The following TJP1 variants were observed in gnomAD, a reference collection of about 807,000 sequenced individuals.
TJP1 encodes the protein tight junction protein ZO-1.
Under a neutral mutation model 194.2 loss-of-function variants are expected in TJP1, and 43 were observed. The observed-to-expected ratio is 0.22, with a 90% CI of 0.17 to 0.29. The LOEUF is 0.29. Ranked by LOEUF, TJP1 falls within the 10% of genes least tolerant of loss-of-function variation. TJP1 has a pLI of 1.00. For missense variants in TJP1, 1,971 were observed against 2,185.7 expected (o/e 0.90, Z 1.96); for synonymous variants, 801 against 779.0 (o/e 1.03, Z -0.47).
At chr15:29,822,582 GGACGAGC>G, upstream of TJP1, 1 of 697,152 alleles carries the variant, frequency 1.4e-6, no homozygotes, top group Non-Finnish European at 1.8e-6. Context: ...GGAGGGGGCG[GGACGAGC>G]GGCCGGGGTC....
At chr15:29,947,495 G>A (rs2055324383) in intron 2 of TJP1, among the ~76,000 whole-genome samples, 1 of 152,292 alleles carries the variant, frequency 6.6e-6, no homozygotes, top group South Asian at 2.1e-4. Context: ...TTGCTGGGAG[G>A]TCTGGCGGAG....
At chr15:29,784,875 A>C (rs554287071) in intron 2 of TJP1, among the ~76,000 whole-genome samples, 31 of 152,324 alleles carry the variant, frequency 2.0e-4, no homozygotes, top group African/African-American at 7.0e-4. Flanking sequence ...AAACCATTTT[A>C]AAACAGAGAA....
At chr15:29,829,435 C>T (rs889293298) in intron 2 of TJP1, among the ~76,000 whole-genome samples, 1 of 152,112 alleles carries the variant, frequency 6.6e-6, no homozygotes, top group Non-Finnish European at 1.5e-5. Flanking sequence ...TACAAAGTCA[C>T]ATAGAGGGTC....
At chr15:29,956,199 A>G (rs2055934762) in intron 2 of TJP1, 9 of 1,174,290 alleles carry the variant, frequency 7.7e-6, no homozygotes, top group African/African-American at 1.6e-5. Flanking sequence ...TACTCTTTGG[A>G]AAAATGAGAA....
At chr15:29,745,648 CA>C (rs2044722306) in intron 8 of TJP1, among the ~76,000 whole-genome samples, 3 of 152,154 alleles carry the variant, frequency 2.0e-5, no homozygotes, top group African/African-American at 7.2e-5. Flanking sequence ...TTGAACAACA[CA>C]AACACACTCT....
chr15:29,708,030 C>A (rs1369808072), intron 25 of TJP1, among the ~76,000 whole-genome samples: 1 of 151,922 alleles, frequency 6.6e-6, no homozygotes, highest in Non-Finnish European at 1.5e-5. Flanking sequence ...AAAACCTCTA[C>A]TAAAAATACA....
intron 9 of TJP1, 39 bp downstream of exon 9, chr15:29,742,603 T>C (rs764854236): frequency 6.6e-7 from 1 of 1,508,986 alleles, no homozygotes; most frequent in Non-Finnish European, 8.8e-7. Flanking sequence ...TCACTCTACT[T>C]GCAAATGTTT....
chr15:29,831,992 T>C (rs1440861184), intron 2 of TJP1, among the ~76,000 whole-genome samples: 5 of 152,162 alleles, frequency 3.3e-5, no homozygotes, highest in Admixed American at 3.3e-4. Context: ...AAATCAACAA[T>C]AACATAAAAA....
chr15:29,848,046 GATTT>G (rs1002338817), intron 2 of TJP1, among the ~76,000 whole-genome samples: 35 of 151,578 alleles, frequency 2.3e-4, no homozygotes, highest in African/African-American at 8.2e-4. Context: ...TTCCTAGTTT[GATTT>G]CATTGTGGCA....
intron 1 of TJP1, among the ~76,000 whole-genome samples, chr15:29,966,819 T>C (rs955503476): frequency 1.3e-5 from 2 of 152,138 alleles, no homozygotes; most frequent in African/African-American, 2.4e-5. Context: ...ATGGGAGATA[T>C]GACTGCTGGT....
At chr15:29,832,415 C>T (rs1429808013) in intron 2 of TJP1, among the ~76,000 whole-genome samples, 1 of 152,184 alleles carries the variant, frequency 6.6e-6, no homozygotes, top group Non-Finnish European at 1.5e-5. Context: ...CTGTCTGAGC[C>T]AGATTTGCCG....
chr15:29,830,875 GAAT>G (rs1207865219), intron 2 of TJP1, among the ~76,000 whole-genome samples: 1 of 152,036 alleles, frequency 6.6e-6, no homozygotes, highest in Non-Finnish European at 1.5e-5. Flanking sequence ...AGTTCTCAAA[GAAT>G]AATGAGTCAA....
intron 2 of TJP1, among the ~76,000 whole-genome samples, chr15:29,791,141 C>T (rs1032370535): frequency 1.3e-5 from 2 of 151,120 alleles, no homozygotes; most frequent in African/African-American, 4.8e-5. Context: ...ATTCCCCTGC[C>T]TCAGCCTCCT....
chr15:29,775,532 G>A (rs940477196), intron 2 of TJP1, among the ~76,000 whole-genome samples: 2 of 152,060 alleles, frequency 1.3e-5, no homozygotes, highest in African/African-American at 4.8e-5. Context: ...ACAGAAATGT[G>A]CTCCAATTAA....
At chr15:29,745,791 A>T (rs1394318186) in intron 8 of TJP1, among the ~76,000 whole-genome samples, 1 of 152,224 alleles carries the variant, frequency 6.6e-6, no homozygotes, top group Non-Finnish European at 1.5e-5. Flanking sequence ...TTATCAAAAG[A>T]ATAAACTGGA....
At chr15:29,856,977 T>C (rs940383555) in intron 2 of TJP1, among the ~76,000 whole-genome samples, 3 of 152,144 alleles carry the variant, frequency 2.0e-5, no homozygotes, top group Non-Finnish European at 2.9e-5. Flanking sequence ...TTGTATTACA[T>C]ATTATAAGTA....
At chr15:29,949,511 TCCACCTCCA>T (rs2055495213) in intron 2 of TJP1, among the ~76,000 whole-genome samples, 6 of 18,126 alleles carry the variant, frequency 3.3e-4, no homozygotes, top group Admixed American at 1.3e-3. Context: ...AACCACCACC[TCCACCTCCA>T]CCACCACCAC....
intron 1 of TJP1, among the ~76,000 whole-genome samples, chr15:29,809,740 G>C (rs2151940245): frequency 6.6e-6 from 1 of 152,222 alleles, no homozygotes; most frequent in Middle Eastern, 3.4e-3. Context: ...CAGCTACTCA[G>C]GAGGCTGAGG....
chr15:29,954,781 T>TA (rs1038162174), intron 2 of TJP1, among the ~76,000 whole-genome samples: 31 of 151,880 alleles, frequency 2.0e-4, no homozygotes, highest in Admixed American at 1.4e-3. Context: ...AAAATAAATG[T>TA]AAAAAAAATA....
Sources: gnomAD v4.1 joint callset for allele counts (sites outside exome capture counted in the v4.1 genomes callset) on GRCh38, gnomAD v4.1.1 for gene constraint, MANE v1.5 for transcripts, NCBI Gene and HGNC (gene_info 2026-07-23, HGNC 2026-07-21) for gene names.